GFOD1: variants seen among roughly 807,000 people sequenced by gnomAD.
The protein encoded by GFOD1 is Gfo/Idh/MocA-like oxidoreductase domain containing 1.
In GFOD1, 9 loss-of-function variants were observed where a neutral mutation model predicts 25.4. The observed-to-expected ratio is 0.35, with a 90% CI of 0.21 to 0.62. The LOEUF (loss-of-function observed/expected upper bound fraction) is 0.62. Among genes scored for constraint, GFOD1 ranks in the 20% least tolerant of loss-of-function variants. The pLI, the probability that GFOD1 is intolerant of heterozygous loss-of-function variation, is 0.72. For missense variants in GFOD1, 403 were observed against 556.9 expected, an observed-to-expected ratio of 0.72 and a Z score of 2.78; for synonymous variants, 253 against 245.6, an observed-to-expected ratio of 1.03 and a Z score of -0.28.
At chr6:13,459,280 G>T (rs955432147) in intron 1 of GFOD1, among the ~76,000 whole-genome samples, 1 of 151,224 alleles carries the variant, frequency 6.6e-6, no homozygotes, top group Non-Finnish European at 1.5e-5. Context: ...TTTATAAATG[G>T]TGCTGGGAAA....
intron 1 of GFOD1, among the ~76,000 whole-genome samples, chr6:13,405,205 TA>T (rs533466511): frequency 3.3e-5 from 5 of 152,172 alleles, no homozygotes; most frequent in Non-Finnish European, 7.3e-5. Flanking sequence ...TTCAATAACT[TA>T]AAAAAAGTGC....
At chr6:13,402,948 A>C (rs986764561) in intron 1 of GFOD1, among the ~76,000 whole-genome samples, 2 of 152,224 alleles carry the variant, frequency 1.3e-5, no homozygotes, top group Non-Finnish European at 2.9e-5. Context: ...CAACCGATGA[A>C]TGAATAAACA....
chr6:13,449,814 T>G (rs1758064825), intron 1 of GFOD1, among the ~76,000 whole-genome samples: 1 of 152,224 alleles, frequency 6.6e-6, no homozygotes, highest in Admixed American at 6.5e-5. Flanking sequence ...CCATTAAACC[T>G]CTTTTTCTTT....
intron 1 of GFOD1, among the ~76,000 whole-genome samples, chr6:13,449,184 G>C (rs1430087305): frequency 6.6e-6 from 1 of 152,186 alleles, no homozygotes; most frequent in Admixed American, 6.5e-5. Flanking sequence ...CCAGCTACTT[G>C]GGAGGCTGAG....
intron 1 of GFOD1, among the ~76,000 whole-genome samples, chr6:13,456,506 T>C (rs932702644): frequency 2.6e-5 from 4 of 152,210 alleles, no homozygotes; most frequent in Non-Finnish European, 4.4e-5. Flanking sequence ...CTCATGAATA[T>C]TGTCATGACT....
intron 1 of GFOD1, among the ~76,000 whole-genome samples, chr6:13,421,324 T>C (rs1786253490): frequency 1.3e-5 from 2 of 151,874 alleles, no homozygotes; most frequent in South Asian, 4.2e-4. Flanking sequence ...CCCATCTCTA[T>C]AAAAAGTTAA....
chr6:13,461,619 T>C (rs1443256769), intron 1 of GFOD1, among the ~76,000 whole-genome samples: 3 of 152,182 alleles, frequency 2.0e-5, no homozygotes, highest in Non-Finnish European at 4.4e-5. Flanking sequence ...TCTGTGGCTG[T>C]CTGCTGTCAG....
At chr6:13,409,335 AAGAG>A (rs368635108) in intron 1 of GFOD1, among the ~76,000 whole-genome samples, 38 of 143,686 alleles carry the variant, frequency 2.6e-4, no homozygotes, top group African/African-American at 9.5e-4. Context: ...GAAGGAGAGA[AAGAG>A]AGAGAGAGAA....
chr6:13,395,256 G>A (rs1785704961), intron 1 of GFOD1, among the ~76,000 whole-genome samples: 2 of 152,190 alleles, frequency 1.3e-5, no homozygotes, highest in African/African-American at 2.4e-5. Context: ...GGAAATGGGG[G>A]CTAAGGTTTC....
chr6:13,463,750 G>A (rs538948693), intron 1 of GFOD1, among the ~76,000 whole-genome samples: 5 of 152,094 alleles, frequency 3.3e-5, no homozygotes, highest in African/African-American at 7.2e-5. Flanking sequence ...ACATACATAC[G>A]TAGGTTATCT....
intron 1 of GFOD1, among the ~76,000 whole-genome samples, chr6:13,417,007 TATC>T (rs755474953): frequency 2.0e-5 from 3 of 152,234 alleles, no homozygotes; most frequent in Non-Finnish European, 4.4e-5. Context: ...TCATCATTCT[TATC>T]ATATCCCTAT....
chr6:13,453,682 A>T (rs1758139501), intron 1 of GFOD1, among the ~76,000 whole-genome samples: 1 of 152,252 alleles, frequency 6.6e-6, no homozygotes, highest in South Asian at 2.1e-4. Flanking sequence ...AAGCTACAAT[A>T]TGCGAAGTAT....
At chr6:13,423,929 G>A (rs1786306065) in intron 1 of GFOD1, among the ~76,000 whole-genome samples, 1 of 152,156 alleles carries the variant, frequency 6.6e-6, no homozygotes, top group South Asian at 2.1e-4. Context: ...CGTGATTGTG[G>A]CTCACCACAA....
chr6:13,367,355 C>T (rs897784145), intron 1 of GFOD1, among the ~76,000 whole-genome samples: 1 of 152,156 alleles, frequency 6.6e-6, no homozygotes, highest in Non-Finnish European at 1.5e-5. Context: ...GTTTATTTTG[C>T]ATTCTGGATT....
At chr6:13,459,804 C>G (rs1758260933) in intron 1 of GFOD1, among the ~76,000 whole-genome samples, 1 of 152,118 alleles carries the variant, frequency 6.6e-6, no homozygotes, top group African/African-American at 2.4e-5. Context: ...AATGAGATAC[C>G]ATCTCATGCC....
rs956642014 is a variant in GFOD1, at chr6:13,408,080, C to T, written c.254-42418G>A. Reference sequence around the variant, plus strand: ...TTCCCTACTGCATACTGCAGAAGAACGTGGCTGAGAGCCCGGCCACGGTAG... The same window carrying T: ...TTCCCTACTGCATACTGCAGAAGAATGTGGCTGAGAGCCCGGCCACGGTAG... On this transcript the variant is annotated intron_variant, in intron 1 of 1. Coordinates refer to ENST00000379287, the MANE Select transcript of GFOD1 (RefSeq NM_018988.4). The T allele has an allele frequency of 1.2e-4, 117 of 985,474 alleles. No homozygotes were observed. The South Asian group carries it at 1.2e-3, about 10-fold the overall frequency. The allele number at this position is 985,474 out of a possible 1,614,324, so 61.0% of individuals were successfully genotyped here. A position where few individuals can be genotyped will look rare whatever the true frequency, so the allele number is the denominator to read the frequency against.
intron 1 of GFOD1, among the ~76,000 whole-genome samples, chr6:13,480,287 C>T (rs1758719064): frequency 6.6e-6 from 1 of 152,212 alleles, no homozygotes; most frequent in Non-Finnish European, 1.5e-5. Context: ...AGAGAGTCTG[C>T]ACTGCTGTCT....
intron 1 of GFOD1, among the ~76,000 whole-genome samples, chr6:13,367,761 GA>G (rs57171484): frequency 0.11 from 14,940 of 130,298 alleles, 2,384 homozygotes; most frequent in African/African-American, 0.37. Flanking sequence ...TGGAGGGCAA[GA>G]AAAAAAAAAA....
At chr6:13,445,824 G>T (rs1043949140) in intron 1 of GFOD1, among the ~76,000 whole-genome samples, 4 of 152,190 alleles carry the variant, frequency 2.6e-5, no homozygotes, top group Non-Finnish European at 5.9e-5. Context: ...ACACAGGCTT[G>T]TCCTGCTGGG....
Sources: gnomAD v4.1 joint callset for allele counts (sites outside exome capture counted in the v4.1 genomes callset) on GRCh38, gnomAD v4.1.1 for gene constraint, MANE v1.5 for transcripts, NCBI Gene and HGNC (gene_info 2026-07-23, HGNC 2026-07-21) for gene names.